MAPK8: variants seen among roughly 807,000 people sequenced by gnomAD.
The protein encoded by MAPK8 is JUN N-terminal kinase.
A neutral mutation model predicts 52.9 loss-of-function variants in MAPK8; 13 were observed. The ratio of observed to expected loss-of-function variants is 0.25; its 90% CI spans 0.16 to 0.39. MAPK8 has a LOEUF of 0.39. MAPK8 is among the 10% of genes least tolerant of loss of function. The pLI is 1.00. For synonymous variants in MAPK8, 191 were observed against 169.8 expected, an observed-to-expected ratio of 1.12 and a Z score of -0.97; for missense variants, 300 against 519.2, an observed-to-expected ratio of 0.58 and a Z score of 4.10.
At chr10:48,335,420 A>G (rs1261869066) in intron 1 of MAPK8, among the ~76,000 whole-genome samples, 2 of 152,212 alleles carry the variant, frequency 1.3e-5, no homozygotes, top group Non-Finnish European at 2.9e-5. Flanking sequence ...GACAGCTGCC[A>G]TATTATATAA....
chr10:48,399,728 T>G (rs1336138402), intron 1 of MAPK8, among the ~76,000 whole-genome samples: 1 of 152,220 alleles, frequency 6.6e-6, no homozygotes, highest in Non-Finnish European at 1.5e-5. Flanking sequence ...TCACCTCCTG[T>G]GAAGCACCAG....
intron 1 of MAPK8, among the ~76,000 whole-genome samples, chr10:48,340,674 T>C (rs932188515): frequency 6.6e-6 from 1 of 152,274 alleles, no homozygotes; most frequent in Admixed American, 6.5e-5. Flanking sequence ...GAATAAGTTC[T>C]AGGAATTGTT....
intron 1 of MAPK8, among the ~76,000 whole-genome samples, chr10:48,331,749 A>C (rs1844170193): frequency 6.6e-6 from 1 of 152,130 alleles, no homozygotes; most frequent in African/African-American, 2.4e-5. Flanking sequence ...ATAATTTCTT[A>C]AGCATTGATC....
At chr10:48,419,813 C>T (rs1362245669) in intron 5 of MAPK8, among the ~76,000 whole-genome samples, 1 of 152,116 alleles carries the variant, frequency 6.6e-6, no homozygotes, top group Non-Finnish European at 1.5e-5. Context: ...AATATAAATG[C>T]TAACTTATGA....
chr10:48,426,562 G>A (rs1295171958), intron 9 of MAPK8, 58 bp downstream of exon 9: 28 of 1,515,702 alleles, frequency 1.8e-5, no homozygotes, highest in Non-Finnish European at 2.3e-5. Context: ...TAGAATGACA[G>A]TTAGGTTTGG....
intron 1 of MAPK8, among the ~76,000 whole-genome samples, chr10:48,381,034 TAG>T (rs1347230911): frequency 2.0e-5 from 3 of 152,170 alleles, no homozygotes; most frequent in Non-Finnish European, 4.4e-5. Context: ...TTTTCTTTTG[TAG>T]TTTACTCAAA....
At chr10:48,385,377 C>G (rs562753892) in intron 1 of MAPK8, among the ~76,000 whole-genome samples, 18 of 152,270 alleles carry the variant, frequency 1.2e-4, no homozygotes, top group African/African-American at 4.3e-4. Flanking sequence ...TTTATTATCA[C>G]TTCTGCTACC....
At chr10:48,350,154 A>C (rs562606849) in intron 1 of MAPK8, among the ~76,000 whole-genome samples, 2 of 152,308 alleles carry the variant, frequency 1.3e-5, no homozygotes, top group Admixed American at 1.3e-4. Context: ...AAAGCCCAGG[A>C]CCAGACGGAT....
In MAPK8 at chr10:48,415,034, T is replaced by TAA. The variant is rs566574476; in HGVS notation, c.450+4867_450+4868dup. Among the ~76,000 whole-genome samples the TAA allele has an allele frequency of 3.5e-3, 529 of 152,320 alleles. 5 individuals are homozygous for TAA. Among genetic ancestry groups the TAA allele is most frequent in the African/African-American group, 0.012 (516 of 41,562 alleles). ...CTTAGGGCTATTGGGGCTTTTTTTT[T>TAA]AAGTGAACAATCCTGCTACAGGCTT... On this transcript the variant is annotated intron_variant, in intron 5 of 11. Coordinates refer to ENST00000374189, the MANE Select transcript of MAPK8 (RefSeq NM_001323329.2).
At chr10:48,325,334 A>G (rs1843408591) in intron 1 of MAPK8, among the ~76,000 whole-genome samples, 2 of 152,196 alleles carry the variant, frequency 1.3e-5, no homozygotes, top group Non-Finnish European at 2.9e-5. Context: ...GTTCTTCCTA[A>G]CAAGATGAGA....
intron 10 of MAPK8, 133 bp from the exon 11 acceptor site, chr10:48,431,060 T>A (rs1300286126): frequency 1.0e-5 from 7 of 672,516 alleles, no homozygotes; most frequent in Non-Finnish European, 1.9e-5. Flanking sequence ...AGGCCGACAT[T>A]TAACTGACTG....
At chr10:48,429,922 G>C (rs555503804) in intron 10 of MAPK8, 8 of 152,138 alleles carry the variant, frequency 5.3e-5, no homozygotes, top group Admixed American at 5.2e-4. Context: ...CTCAGAAGAG[G>C]GTTCACTACT....
At chr10:48,371,758 G>A (rs753051649) in intron 1 of MAPK8, among the ~76,000 whole-genome samples, 1 of 152,130 alleles carries the variant, frequency 6.6e-6, no homozygotes, top group Non-Finnish European at 1.5e-5. Flanking sequence ...TCAGATGCCA[G>A]TCACAGGCAT....
chr10:48,412,002 G>A (rs963965201), intron 5 of MAPK8, among the ~76,000 whole-genome samples: 1 of 151,836 alleles, frequency 6.6e-6, no homozygotes, highest in Non-Finnish European at 1.5e-5. Context: ...CTGCCCCCAC[G>A]CCTGGTTAAT....
At chr10:48,371,566 A>T (rs1287615796) in intron 1 of MAPK8, among the ~76,000 whole-genome samples, 1 of 152,066 alleles carries the variant, frequency 6.6e-6, no homozygotes, top group Non-Finnish European at 1.5e-5. Flanking sequence ...AGTATCTCCT[A>T]CTATAATCAT....
At chr10:48,308,983 TGAA>T (rs1185072092) in intron 1 of MAPK8, among the ~76,000 whole-genome samples, 1 of 152,156 alleles carries the variant, frequency 6.6e-6, no homozygotes, top group Non-Finnish European at 1.5e-5. Flanking sequence ...AAAGTGGAAA[TGAA>T]GAAATAAGAA....
At chr10:48,398,227 C>A (rs764589413) in intron 1 of MAPK8, among the ~76,000 whole-genome samples, 5 of 151,752 alleles carry the variant, frequency 3.3e-5, no homozygotes, top group Admixed American at 6.6e-5. Flanking sequence ...AAACATCTGA[C>A]AAAGGATGTG....
Position 48,438,310 on chromosome 10 carries a change from T to C in MAPK8, c.*3281T>C, listed in dbSNP as rs759191116. On this transcript the variant is annotated 3_prime_UTR_variant, in exon 12 of 12. Transcript: ENST00000374189. ...GCATTGTGTTTCTACTGATCTCTCT[T>C]AGGTTTTTACGGAATCAAAGGAAAC... 1 of 152,170 alleles carries C rather than the reference T, an allele frequency of 6.6e-6. No homozygotes were observed. The highest frequency in any genetic ancestry group is 1.9e-4 in the East Asian group (1 of 5,192). The allele number at this position is 152,170 out of a possible 1,614,324, so 9.4% of individuals were successfully genotyped here.
chr10:48,347,557 C>A (rs1443420987), intron 1 of MAPK8, among the ~76,000 whole-genome samples: 1 of 152,168 alleles, frequency 6.6e-6, no homozygotes, highest in Non-Finnish European at 1.5e-5. Context: ...AGCTCCCCAC[C>A]CCGCAACAGG....
Sources: gnomAD v4.1 joint callset for allele counts (sites outside exome capture counted in the v4.1 genomes callset) on GRCh38, gnomAD v4.1.1 for gene constraint, MANE v1.5 for transcripts, NCBI Gene and HGNC (gene_info 2026-07-23, HGNC 2026-07-21) for gene names.